Variants in SLC44A5 observed in about 807,000 individuals in gnomAD.
SLC44A5 encodes choline transporter-like protein 5.
Under a neutral mutation model 101.8 loss-of-function variants are expected in SLC44A5, and 57 were observed. The ratio of observed to expected loss-of-function variants is 0.56; its 90% confidence interval spans 0.45 to 0.70. The LOEUF (loss-of-function observed/expected upper bound fraction) is 0.70, where lower values mean the gene tolerates loss of function less well. Ranked by LOEUF, SLC44A5 falls within the 30% of genes least tolerant of loss-of-function variation. The pLI is 0.00. For synonymous variants in SLC44A5, 281 were observed against 290.9 expected, an observed-to-expected ratio of 0.97 and a Z score of 0.35; for missense variants, 737 against 853.1, an observed-to-expected ratio of 0.86 and a Z score of 1.70.
intron 3 of SLC44A5, among the ~76,000 whole-genome samples, chr1:75,371,214 TTTAA>T (rs1660201336): frequency 6.6e-6 from 1 of 152,238 alleles, no homozygotes; most frequent in African/African-American, 2.4e-5. Flanking sequence ...AAAATTTATT[TTTAA>T]TTAAAAACAA....
the SLC44A5 span, among the ~76,000 whole-genome samples, chr1:75,698,342 A>G: frequency 6.6e-6 from 1 of 152,032 alleles, no homozygotes; most frequent in Admixed American, 6.6e-5. Context: ...TGGGTCCCTG[A>G]CCCCTGATCC....
intron 1 of SLC44A5, among the ~76,000 whole-genome samples, chr1:75,556,954 A>G (rs1358268840): frequency 6.6e-6 from 1 of 152,166 alleles, no homozygotes; most frequent in Non-Finnish European, 1.5e-5. Context: ...GTGAAGAGAA[A>G]GAAGACATAA....
intron 2 of SLC44A5, among the ~76,000 whole-genome samples, chr1:75,540,339 A>G (rs1445141664): frequency 1.3e-5 from 2 of 152,230 alleles, no homozygotes; most frequent in African/African-American, 4.8e-5. Flanking sequence ...GTATGTATGC[A>G]TAAGAGAAAA....
At chr1:75,720,440 T>G in the SLC44A5 span, 1 of 152,188 alleles carries the variant, frequency 6.6e-6, no homozygotes, top group African/African-American at 2.4e-5. Flanking sequence ...AAACAGTGCT[T>G]AATTAATAAA....
chr1:75,319,256 TTC>T (rs2100949753), intron 4 of SLC44A5, among the ~76,000 whole-genome samples: 1 of 152,270 alleles, frequency 6.6e-6, no homozygotes, highest in Admixed American at 6.5e-5. Flanking sequence ...GGCAAAAACA[TTC>T]TCTCTGAATA....
At chr1:75,619,082 G>GC in the SLC44A5 span, among the ~76,000 whole-genome samples, 1 of 74,896 alleles carries the variant, frequency 1.3e-5, no homozygotes, top group Non-Finnish European at 2.7e-5. Flanking sequence ...AAAAAAAAGG[G>GC]GGGGGGGAAG....
At chr1:75,240,349 T>C (rs542189570) in intron 9 of SLC44A5, among the ~76,000 whole-genome samples, 99 of 152,224 alleles carry the variant, frequency 6.5e-4, no homozygotes, top group African/African-American at 2.4e-3. Context: ...TATTTAATCT[T>C]ATATTAGGAG....
In SLC44A5 at chr1:75,536,612, A is replaced by G. The variant is rs1211767304; in HGVS notation, c.13+4823T>C. ...CAAGACTCCATCTCAAAAAAAAAAA[A>G]AAAAGAAAAGAAAAGAAAGAAAAAA... On this transcript the variant is annotated intron_variant, in intron 2 of 23. Coordinates refer to ENST00000370859, the MANE Select transcript of SLC44A5 (RefSeq NM_001130058.2). Among the ~76,000 whole-genome samples the G allele has an allele frequency of 4.1e-3, 252 of 60,986 alleles. 1 individual carries two copies. The East Asian group carries it at 0.062, about 15-fold the overall frequency. 40.0% of individuals were successfully genotyped at this position (60,986 alleles called of 152,430 possible).
chr1:75,263,292 C>T (rs950442771), intron 6 of SLC44A5, among the ~76,000 whole-genome samples: 12 of 152,070 alleles, frequency 7.9e-5, no homozygotes, highest in Admixed American at 5.2e-4. Flanking sequence ...AAGATAAAAA[C>T]AAACAACACC....
At chr1:75,532,243 C>G (rs936575724) in intron 2 of SLC44A5, among the ~76,000 whole-genome samples, 2 of 152,134 alleles carry the variant, frequency 1.3e-5, no homozygotes, top group Non-Finnish European at 2.9e-5. Context: ...CTTTTATAAA[C>G]TAAAAGCATA....
At chr1:75,677,404 G>C in the SLC44A5 span, among the ~76,000 whole-genome samples, 1 of 152,146 alleles carries the variant, frequency 6.6e-6, no homozygotes, top group Non-Finnish European at 1.5e-5. Flanking sequence ...GTGATAAGTT[G>C]TTATCAGTTT....
intron 4 of SLC44A5, among the ~76,000 whole-genome samples, chr1:75,337,466 T>C (rs937000249): frequency 2.0e-5 from 3 of 152,186 alleles, no homozygotes; most frequent in African/African-American, 7.2e-5. Context: ...TCGGAGAGCT[T>C]TCATTTCTTA....
chr1:75,289,868 A>G (rs934060788), intron 5 of SLC44A5, among the ~76,000 whole-genome samples: 2 of 152,222 alleles, frequency 1.3e-5, no homozygotes, highest in Non-Finnish European at 2.9e-5. Context: ...ATGGACTACA[A>G]AAGAAAAATA....
intron 13 of SLC44A5, among the ~76,000 whole-genome samples, chr1:75,224,785 T>C (rs1647163293): frequency 6.6e-6 from 1 of 150,648 alleles, no homozygotes; most frequent in African/African-American, 2.4e-5. Flanking sequence ...AAAAAAAAAC[T>C]TTAAAAATAG....
chr1:75,205,049 G>C (rs1033969239), intron 23 of SLC44A5: 2 of 152,154 alleles, frequency 1.3e-5, no homozygotes, highest in African/African-American at 4.8e-5. Context: ...AATGCAGAAG[G>C]CTCTTTGCCA....
chr1:75,688,960 C>T, the SLC44A5 span, among the ~76,000 whole-genome samples: 1 of 152,130 alleles, frequency 6.6e-6, no homozygotes, highest in Non-Finnish European at 1.5e-5. Context: ...ACCCTTATAC[C>T]ATACCTATCC....
chr1:75,719,114 A>T, the SLC44A5 span, among the ~76,000 whole-genome samples: 1 of 152,192 alleles, frequency 6.6e-6, no homozygotes, highest in Non-Finnish European at 1.5e-5. Context: ...GCCCATGGAA[A>T]GACTGGTTCC....
chr1:75,457,126 T>C (rs1666228004), intron 2 of SLC44A5, among the ~76,000 whole-genome samples: 1 of 152,160 alleles, frequency 6.6e-6, no homozygotes, highest in South Asian at 2.1e-4. Flanking sequence ...ATATAGCACA[T>C]AGTGATAGGA....
chr1:75,441,510 TAGAG>T (rs1392006942), intron 2 of SLC44A5, among the ~76,000 whole-genome samples: 3 of 148,852 alleles, frequency 2.0e-5, no homozygotes, highest in Admixed American at 6.7e-5. Flanking sequence ...AAAAAACAAA[TAGAG>T]AGGCCAAAGG....
Sources: allele counts gnomAD v4.1 joint callset (sites outside exome capture counted in the v4.1 genomes callset), GRCh38; gene constraint gnomAD v4.1.1; transcripts MANE v1.5; gene names NCBI Gene and HGNC (gene_info 2026-07-23, HGNC 2026-07-21).